Variants in MID1 observed in about 807,000 individuals in gnomAD.
MID1 encodes midline 1.
In MID1, 7 loss-of-function variants were observed where a neutral mutation model predicts 40.4. The observed-to-expected ratio is 0.17, with a 90% CI of 0.10 to 0.33. The LOEUF (loss-of-function observed/expected upper bound fraction) is 0.33, where lower values mean the gene tolerates loss of function less well. MID1 is among the 10% of genes least tolerant of loss of function. MID1 has a pLI of 1.00. For missense variants in MID1, 367 were observed against 558.5 expected, an observed-to-expected ratio of 0.66 and a Z score of 3.46; for synonymous variants, 229 against 221.2, an observed-to-expected ratio of 1.04 and a Z score of -0.31.
chrX:10,459,582 G>T (rs1928898014), intron 8 of MID1, 64 bp downstream of exon 8: 2 of 1,122,215 alleles, frequency 1.8e-6, no homozygotes, highest in Non-Finnish European at 2.5e-6. Flanking sequence ...AAGAAAGGGG[G>T]ACAGAGTCAG....
intron 1 of MID1, among the ~76,000 whole-genome samples, chrX:10,685,855 GC>G (rs2043091703): frequency 1.1e-5 from 1 of 87,071 alleles, no homozygotes. Context: ...GGACCCCTCG[GC>G]CCCTACACCC....
Position 10,773,532 on chromosome X carries a change from A to G in MID1, c.-187+60022T>C, listed in dbSNP as rs369915816. On this transcript the variant is annotated intron_variant, in intron 1 of 10. Transcript: ENST00000380785. ...GCTTTCGTTCCACTGATACTGCCAC[A>G]TATTTTTCACTAGAACTGATGTTAA... 1.5e-4 allele frequency among the ~76,000 whole-genome samples: 17 copies of G among 112,668 alleles called. No homozygotes were observed. In the South Asian group the frequency reaches 6.2e-3, roughly 41 times the overall value.
chrX:10,820,340 T>C (rs750989659), intron 1 of MID1, among the ~76,000 whole-genome samples: 26 of 112,069 alleles, frequency 2.3e-4, no homozygotes, highest in Non-Finnish European at 4.7e-4. Context: ...TCACTGGAAA[T>C]GTGAAGTTTC....
intron 2 of MID1, among the ~76,000 whole-genome samples, chrX:10,555,979 C>T (rs1467354868): frequency 9.1e-6 from 1 of 110,016 alleles, no homozygotes. Flanking sequence ...CCTCCTCCTC[C>T]AGCCCCAGTC....
intron 1 of MID1, among the ~76,000 whole-genome samples, chrX:10,809,428 G>A (rs1455854555): frequency 1.8e-5 from 2 of 111,642 alleles, no homozygotes; most frequent in Non-Finnish European, 3.8e-5. Context: ...CCATTACTGG[G>A]TATATACCCA....
intron 1 of MID1, among the ~76,000 whole-genome samples, chrX:10,729,291 G>A (rs1442712854): frequency 8.9e-6 from 1 of 111,975 alleles, no homozygotes. Flanking sequence ...CTAAAGCAGA[G>A]GCTGACCAAA....
At chrX:10,692,262 C>T (rs947010785) in intron 1 of MID1, among the ~76,000 whole-genome samples, 16 of 111,310 alleles carry the variant, frequency 1.4e-4, no homozygotes, top group Non-Finnish European at 2.8e-4. Flanking sequence ...GTTGCCATCA[C>T]GGTCCTACTG....
chrX:10,786,531 T>A (rs758100421), intron 1 of MID1, among the ~76,000 whole-genome samples: 2 of 111,066 alleles, frequency 1.8e-5, no homozygotes, highest in East Asian at 5.7e-4. Flanking sequence ...ATGTTTATTG[T>A]GGCACTATTC....
chrX:10,605,371 G>A (rs1312119585), intron 1 of MID1, among the ~76,000 whole-genome samples: 1 of 111,797 alleles, frequency 8.9e-6, no homozygotes, highest in Non-Finnish European at 1.9e-5. Flanking sequence ...AAGTCACCAG[G>A]AGAATGCATG....
At chrX:10,592,163 GTGTGTGTA>G (rs918623341) in intron 1 of MID1, among the ~76,000 whole-genome samples, 1 of 105,594 alleles carries the variant, frequency 9.5e-6, no homozygotes, top group African/African-American at 3.5e-5. Flanking sequence ...GTGTGTGTGT[GTGTGTGTA>G]TATGTGTGTG....
rs1231230739 is a variant in MID1 at position 10,567,654 on chromosome X, G to C, written c.-56-51C>G. 36 of 882,460 alleles carry C rather than the reference G, an allele frequency of 4.1e-5. No homozygotes were observed. The East Asian group carries it at 8.8e-4, about 22-fold the overall frequency. 72.7% of individuals were successfully genotyped at this position (882,460 alleles called of 1,213,427 possible). On this transcript the variant is annotated intron_variant, in intron 1 of 9. Coordinates refer to ENST00000317552, the MANE Select transcript of MID1 (RefSeq NM_000381.4). ...TTAGGCACAGGGAGGTCAACCATAG[G>C]GGGGTGTCAGCTTTGAATGCATCTC...
At chrX:10,817,549 TTTCTTTCTTTCTTTC>T (rs2044145717) in intron 1 of MID1, among the ~76,000 whole-genome samples, 1 of 103,285 alleles carries the variant, frequency 9.7e-6, no homozygotes, top group African/African-American at 3.6e-5. Context: ...TCTTTCTTTC[TTTCTTTCTTTCTTTC>T]TTTCTTTCTC....
At chrX:10,540,206 A>AT (rs1418898421) in intron 2 of MID1, among the ~76,000 whole-genome samples, 1 of 111,816 alleles carries the variant, frequency 8.9e-6, no homozygotes, top group Non-Finnish European at 1.9e-5. Context: ...ATCTCAAAAA[A>AT]GAAAAAGAAA....
chrX:10,787,243 A>T (rs189325354), intron 1 of MID1, among the ~76,000 whole-genome samples: 74 of 111,064 alleles, frequency 6.7e-4, no homozygotes, highest in African/African-American at 2.4e-3. Context: ...AGCTATGTTA[A>T]AAACAAATGT....
chrX:10,461,098 A>G (rs1448162677), intron 7 of MID1, among the ~76,000 whole-genome samples: 4 of 104,182 alleles, frequency 3.8e-5, no homozygotes, highest in African/African-American at 1.5e-4. Context: ...ATATATATAT[A>G]TATGTATGTA....
At chrX:10,596,549 A>C (rs1329401567) in intron 1 of MID1, among the ~76,000 whole-genome samples, 1 of 112,237 alleles carries the variant, frequency 8.9e-6, no homozygotes, top group Non-Finnish European at 1.9e-5. Flanking sequence ...CATTAATTAT[A>C]ACCTGCTCCC....
chrX:10,638,291 C>T (rs896191911), intron 1 of MID1, among the ~76,000 whole-genome samples: 32 of 111,736 alleles, frequency 2.9e-4, no homozygotes, highest in Non-Finnish European at 5.3e-4. Context: ...ACTGGAAAAT[C>T]GGGACACTCC....
intron 1 of MID1, among the ~76,000 whole-genome samples, chrX:10,707,722 T>C (rs749098304): frequency 8.9e-6 from 1 of 112,573 alleles, no homozygotes; most frequent in East Asian, 2.8e-4. Context: ...GCAGACATGA[T>C]GTAGTCAATC....
intron 1 of MID1, among the ~76,000 whole-genome samples, chrX:10,677,990 T>A (rs1223832248): frequency 1.8e-5 from 2 of 110,669 alleles, no homozygotes; most frequent in Non-Finnish European, 3.8e-5. Context: ...GGGAGTAGGA[T>A]GAGATGAACA....
Sources: allele counts gnomAD v4.1 joint callset (sites outside exome capture counted in the v4.1 genomes callset), GRCh38; gene constraint gnomAD v4.1.1; transcripts MANE v1.5; gene names NCBI Gene and HGNC (gene_info 2026-07-23, HGNC 2026-07-21).